Variants in SOX6 observed in about 807,000 individuals in gnomAD.
The protein encoded by SOX6 is transcription factor SOX-6.
A neutral mutation model predicts 97.8 loss-of-function variants in SOX6; 11 were observed. That is an observed-to-expected ratio of 0.11 (90% CI 0.07 to 0.19). The LOEUF is 0.19. SOX6 is among the 10% of genes least tolerant of loss of function. The pLI, the probability that SOX6 is intolerant of heterozygous loss-of-function variation, is 1.00. For missense variants in SOX6, 810 were observed against 1,039.5 expected, an observed-to-expected ratio of 0.78 and a Z score of 3.04; for synonymous variants, 360 against 371.4, an observed-to-expected ratio of 0.97 and a Z score of 0.35.
chr11:16,159,518 T>C (rs1850687914), intron 6 of SOX6, among the ~76,000 whole-genome samples: 1 of 152,094 alleles, frequency 6.6e-6, no homozygotes, highest in African/African-American at 2.4e-5. Flanking sequence ...TATTAGATGA[T>C]GTGAACTTGT....
intron 4 of SOX6, among the ~76,000 whole-genome samples, chr11:16,543,789 A>G (rs1482016140): frequency 1.3e-5 from 2 of 152,204 alleles, no homozygotes; most frequent in Admixed American, 6.5e-5. Flanking sequence ...GCTGGTAGGA[A>G]TATAAAATGT....
chr11:16,295,229 T>C (rs1228806966), intron 3 of SOX6, among the ~76,000 whole-genome samples: 1 of 152,132 alleles, frequency 6.6e-6, no homozygotes, highest in Non-Finnish European at 1.5e-5. Context: ...ACGAGACTTA[T>C]TTAAATTAAC....
intron 3 of SOX6, among the ~76,000 whole-genome samples, chr11:16,694,464 A>C (rs1169232819): frequency 6.6e-6 from 1 of 152,196 alleles, no homozygotes; most frequent in East Asian, 1.9e-4. Flanking sequence ...TTGAGGCTAC[A>C]GTGAGCTATG....
intron 3 of SOX6, among the ~76,000 whole-genome samples, chr11:16,621,170 A>G (rs903288810): frequency 2.6e-5 from 4 of 152,180 alleles, no homozygotes; most frequent in Non-Finnish European, 5.9e-5. Context: ...AAGCAAAGTT[A>G]TACATATAAC....
chr11:16,307,520 T>G (rs1855478254), intron 3 of SOX6, among the ~76,000 whole-genome samples: 1 of 152,182 alleles, frequency 6.6e-6, no homozygotes, highest in African/African-American at 2.4e-5. Flanking sequence ...TTCTTAAATT[T>G]TCCATCTCTC....
At chr11:16,531,207 T>G (rs1384452095) in intron 4 of SOX6, among the ~76,000 whole-genome samples, 1 of 151,012 alleles carries the variant, frequency 6.6e-6, no homozygotes, top group Admixed American at 6.6e-5. Context: ...TATACATATA[T>G]GAGGATTTTC....
At chr11:16,573,093 G>T (rs1211924312) in intron 4 of SOX6, among the ~76,000 whole-genome samples, 4 of 152,158 alleles carry the variant, frequency 2.6e-5, no homozygotes, top group Non-Finnish European at 5.9e-5. Context: ...AATAGCTCCT[G>T]AAAGAACAGC....
At chr11:16,097,737 G>T (rs1288365826) in intron 7 of SOX6, 49 bp from the exon 8 acceptor site, 8 of 1,510,936 alleles carry the variant, frequency 5.3e-6, no homozygotes, top group South Asian at 2.2e-5. Flanking sequence ...ACAGGGAATT[G>T]CAGCAGACAA....
rs139992362 is a variant in SOX6, at chr11:16,716,913, GA to G, written n.354-2009del. Among the ~76,000 whole-genome samples the G allele has an allele frequency of 5.4e-3, 826 of 152,216 alleles. 15 individuals carry two copies. Among genetic ancestry groups the G allele is most frequent in the African/African-American group, 0.019 (793 of 41,560 alleles). ...CCTTTGAGGGGGTCATAGTAATTGG[GA>G]AGGAAGGAAGGAGTCAGCGGCACTG... On this transcript the variant is annotated intron_variant and non_coding_transcript_variant, in intron 2 of 5. Coordinates refer to the SOX6 transcript ENST00000524520.
chr11:16,156,850 TA>T (rs1298248311), intron 6 of SOX6, among the ~76,000 whole-genome samples: 2 of 152,064 alleles, frequency 1.3e-5, no homozygotes, highest in African/African-American at 2.4e-5. Flanking sequence ...TATAAATGTG[TA>T]ACTATCATCA....
At chr11:16,519,778 C>A (rs1861029817) in intron 4 of SOX6, among the ~76,000 whole-genome samples, 1 of 152,102 alleles carries the variant, frequency 6.6e-6, no homozygotes, top group African/African-American at 2.4e-5. Context: ...GAGAAATTTC[C>A]ATACTGTTTT....
At position 16,049,864 on chromosome 11, in the gene SOX6, A is replaced by G. The variant is rs748531785; in HGVS notation, c.1326T>C (p.Ser442=). The change falls in exon 11 of 16, where the codon TCT becomes TCC. Residue 442 remains serine (S), a synonymous_variant. Transcript: ENST00000683767. ...TGGCTGGGAAGAGGTTCTGGGTGGG[A>G]GACGTTGGGGACTTTACAGGCTCTG... The part of the protein sequence containing the change: ...KTAEPVKSPT[S]PTQNLFPASK... 6.2e-7 allele frequency: 1 copy of G among 1,613,376 alleles called. No homozygotes were observed. Among genetic ancestry groups the G allele is most frequent in the South Asian group, 1.1e-5 (1 of 91,026 alleles).
chr11:16,524,958 A>T (rs1382809343), intron 4 of SOX6, among the ~76,000 whole-genome samples: 2 of 152,184 alleles, frequency 1.3e-5, no homozygotes, highest in Admixed American at 1.3e-4. Context: ...AGAACTACAA[A>T]CCACTGCTCA....
chr11:16,130,769 A>G lies in SOX6; in HGVS notation c.778-18846T>C, dbSNP rs1170206244. Among the ~76,000 whole-genome samples the G allele has an allele frequency of 2.6e-5, 4 of 152,154 alleles. 1 individual carries two copies. The highest frequency in any genetic ancestry group is 2.6e-4 in the Admixed American group (4 of 15,284). On this transcript the variant is annotated intron_variant, in intron 6 of 15. Coordinates refer to ENST00000683767, the MANE Select transcript of SOX6 (RefSeq NM_001367873.1). ...GTATTAGGATGGTATTGGTTTAAGG[A>G]TGGACATATAAATCAGTGGACCAGA...
intron 1 of SOX6, among the ~76,000 whole-genome samples, chr11:16,376,128 G>A (rs1055055878): frequency 6.6e-6 from 1 of 152,038 alleles, no homozygotes; most frequent in African/African-American, 2.4e-5. Flanking sequence ...GTATACCTAT[G>A]TAACAAACCT....
At chr11:16,525,929 A>G (rs1861154405) in intron 4 of SOX6, among the ~76,000 whole-genome samples, 1 of 152,192 alleles carries the variant, frequency 6.6e-6, no homozygotes, top group African/African-American at 2.4e-5. Flanking sequence ...CAAAACCACA[A>G]TGAGATACCA....
chr11:16,535,502 T>A (rs1861294889), intron 4 of SOX6, among the ~76,000 whole-genome samples: 1 of 152,002 alleles, frequency 6.6e-6, no homozygotes, highest in African/African-American at 2.4e-5. Flanking sequence ...CAAAACCCCG[T>A]CTCTACAAAA....
chr11:16,304,712 T>A (rs1211417132), intron 3 of SOX6, among the ~76,000 whole-genome samples: 1 of 152,208 alleles, frequency 6.6e-6, no homozygotes, highest in African/African-American at 2.4e-5. Context: ...GACTCATTAG[T>A]TCTAAGAGGC....
chr11:16,283,006 C>G (rs1240214013), intron 3 of SOX6, among the ~76,000 whole-genome samples: 1 of 100,148 alleles, frequency 1.0e-5, no homozygotes, highest in Admixed American at 1.4e-4. Flanking sequence ...AAAGGGAGCC[C>G]TATGAGATGT....
Sources: gnomAD v4.1 joint callset for allele counts (sites outside exome capture counted in the v4.1 genomes callset) on GRCh38, gnomAD v4.1.1 for gene constraint, MANE v1.5 for transcripts, NCBI Gene and HGNC (gene_info 2026-07-23, HGNC 2026-07-21) for gene names.